COL7A1: variants seen among roughly 807,000 people sequenced by gnomAD.
The protein encoded by COL7A1 is collagen alpha-1(VII) chain.
COL7A1 carries 296 observed loss-of-function variants against 456.2 expected under a neutral mutation model. The ratio of observed to expected loss-of-function variants is 0.65; its 90% confidence interval spans 0.59 to 0.71. The LOEUF is 0.71. Among genes scored for constraint, COL7A1 ranks in the 30% least tolerant of loss-of-function variants. The pLI is 0.00. For synonymous variants in COL7A1, 1,464 were observed against 1,525.9 expected (o/e 0.96, Z 0.95); for missense variants, 3,441 against 4,017.2 (o/e 0.86, Z 3.88).
rs1357938616 is a variant in COL7A1, at chr3:48,586,592, G to A, written c.3374C>T (p.Pro1125Leu). 2.5e-6 allele frequency: 4 copies of A among 1,613,652 alleles called. No homozygotes were observed. Among genetic ancestry groups the A allele is most frequent in the Non-Finnish European group, 3.4e-6 (4 of 1,180,030 alleles). The change falls in exon 26 of 119, where the codon CCC becomes CTC. Residue 1125 changes from proline (P) to leucine (L), a missense_variant. Transcript: ENST00000681320. This position sits in a 1 kb window ranked among gnomAD's most constrained non-coding sequence, Gnocchi z 5.1. The part of the protein sequence containing the change: ...GIILQRIRDM[P>L]YMDPSGNNLG... ...GTTGTTCCCACTTGGGTCCATGTAGGGCATGTCACGGATCCTTTGCAAGAT... is the reference window on the plus strand; with the variant it reads ...GTTGTTCCCACTTGGGTCCATGTAGAGCATGTCACGGATCCTTTGCAAGAT...
At position 48,573,189 on chromosome 3, in the gene COL7A1, GC is replaced by G. The variant is rs1229323756; in HGVS notation, c.6698del (p.Gly2233AlafsTer155). On this transcript the variant is annotated frameshift_variant, in exon 85 of 119. Coordinates refer to ENST00000681320, the MANE Select transcript of COL7A1 (RefSeq NM_000094.4). LOFTEE classifies it high-confidence loss of function. The surrounding 1 kb of genome is among the most constrained non-coding windows in gnomAD (Gnocchi z 5.5). ...ACTCACTCACCACAAGGCCTGAAGGGCCGGGGGGTCCAGGAAGTCCCACAGC... is the reference window on the plus strand; with the variant it reads ...ACTCACTCACCACAAGGCCTGAAGGGCGGGGGGTCCAGGAAGTCCCACAGC... ...TGAVGLPGPP[G>X]PSGLVGPQGS... is the part of the protein sequence containing the mutation. 3 of 1,613,988 alleles carry G rather than the reference GC, an allele frequency of 1.9e-6. No individual in the cohort carries two copies. The South Asian group carries it at 3.3e-5, about 18-fold the overall frequency.
rs546980026 is a variant in COL7A1, at chr3:48,567,511, G to A, written c.8046+63C>T. On this transcript the variant is annotated intron_variant, in intron 109 of 118. Coordinates refer to ENST00000681320, the MANE Select transcript of COL7A1 (RefSeq NM_000094.4). This position sits in a 1 kb window ranked among gnomAD's most constrained non-coding sequence, Gnocchi z 4.3. ...CCTTGTCCCTACACCCCCATGACCC[G>A]ACCATGAGCTTCCCTGCCCCATCCT... is the stretch of plus-strand genomic sequence containing the variant. 19 of 1,606,646 alleles carry A rather than the reference G, an allele frequency of 1.2e-5. No homozygotes were observed. Among genetic ancestry groups the A allele is most frequent in the Admixed American group, 5.0e-5 (3 of 59,932 alleles).
At position 48,567,437 on chromosome 3, in the gene COL7A1, C is replaced by T. The variant is rs912282576; in HGVS notation, c.8046+137G>A. 14 of 1,294,234 alleles carry T rather than the reference C, an allele frequency of 1.1e-5. No individual in the cohort carries two copies. The highest frequency in any genetic ancestry group is 2.4e-5 in the South Asian group (2 of 83,128). 80.2% of individuals were successfully genotyped at this position (1,294,234 alleles called of 1,614,324 possible). On this transcript the variant is annotated intron_variant, in intron 109 of 118. Coordinates refer to ENST00000681320, the MANE Select transcript of COL7A1 (RefSeq NM_000094.4). This position sits in a 1 kb window ranked among gnomAD's most constrained non-coding sequence, Gnocchi z 4.3. ...GTGACCCCAACCCACCTTGACACCTCGAGACCAGCCCCACTTCAGCCCCCA... is the reference window on the plus strand; with the variant it reads ...GTGACCCCAACCCACCTTGACACCTTGAGACCAGCCCCACTTCAGCCCCCA...
At position 48,578,657 on chromosome 3, in the gene COL7A1, C is replaced by A; in HGVS notation, c.5425-142G>T. On this transcript the variant is annotated intron_variant, in intron 63 of 118. Transcript: ENST00000681320. This position sits in a 1 kb window ranked among gnomAD's most constrained non-coding sequence, Gnocchi z 4.7. Reference sequence around the variant, plus strand: ...AGAGGTCCCATTGAGATCCCTCAGGCACAGACCCCATGGATGGGGGCCCCT... The same window carrying A: ...AGAGGTCCCATTGAGATCCCTCAGGAACAGACCCCATGGATGGGGGCCCCT... 2 of 1,052,104 alleles carry A rather than the reference C, an allele frequency of 1.9e-6. No homozygotes were observed. The highest frequency in any genetic ancestry group is 1.4e-5 in the South Asian group (1 of 69,690). 65.2% of individuals were successfully genotyped at this position (1,052,104 alleles called of 1,614,324 possible).
Position 48,566,283 on chromosome 3 carries a change from C to G in COL7A1, c.8391G>C (p.Glu2797Asp). Residue 2797 changes from glutamate to aspartate, a missense_variant, in exon 114 of 119, where the codon GAG becomes GAC. Transcript: ENST00000681320. This position sits in a 1 kb window ranked among gnomAD's most constrained non-coding sequence, Gnocchi z 5.9. ...EDDIRGFVRQEMSQHCACQGQ... is the reference protein window; with the variant it reads ...EDDIRGFVRQDMSQHCACQGQ... ...ACCACTCACCACAGTGCTGACTCATCTCTTGGCGCACAAAGCCCCGGATGT... is the reference window on the plus strand; with the variant it reads ...ACCACTCACCACAGTGCTGACTCATGTCTTGGCGCACAAAGCCCCGGATGT... 3 of 1,602,956 alleles carry G rather than the reference C, an allele frequency of 1.9e-6. No individual in the cohort carries two copies. Among genetic ancestry groups the G allele is most frequent in the Non-Finnish European group, 2.6e-6 (3 of 1,175,620 alleles).
Position 48,580,993 on chromosome 3 carries a change from A to C in COL7A1, c.4936-67T>G. 1.2e-6 allele frequency: 2 copies of C among 1,607,310 alleles called. No homozygotes were observed. The highest frequency in any genetic ancestry group is 1.7e-6 in the Non-Finnish European group (2 of 1,174,842). On this transcript the variant is annotated intron_variant, in intron 53 of 118. Transcript: ENST00000681320. This position sits in a 1 kb window ranked among gnomAD's most constrained non-coding sequence, Gnocchi z 4.5. ...GATCTAACTCACTCAGGGAGAGGGG[A>C]CAGAGAAGGGTCTGAGCAGCAGCTG...
At position 48,581,884 on chromosome 3, in the gene COL7A1, C is replaced by T; in HGVS notation, c.4668+27G>A. The T allele has an allele frequency of 6.2e-7, 1 of 1,614,128 alleles. No homozygotes were observed. Among genetic ancestry groups the T allele is most frequent in the Non-Finnish European group, 8.5e-7 (1 of 1,180,034 alleles). On this transcript the variant is annotated intron_variant, in intron 48 of 118. Coordinates refer to ENST00000681320, the MANE Select transcript of COL7A1 (RefSeq NM_000094.4). This position sits in a 1 kb window ranked among gnomAD's most constrained non-coding sequence, Gnocchi z 5.8. ...GACCTAGACCTCAACCCTGTAGAAA[C>T]CTCCCCTTGCCCCATACCAGGCTTA...
rs746200300 is a variant in COL7A1, at chr3:48,581,102, A to C, written c.4935+20T>G. On this transcript the variant is annotated intron_variant, in intron 53 of 118. Coordinates refer to ENST00000681320, the MANE Select transcript of COL7A1 (RefSeq NM_000094.4). This position sits in a 1 kb window ranked among gnomAD's most constrained non-coding sequence, Gnocchi z 5.8. Reference sequence around the variant, plus strand: ...GTTCAAGGGTAAAGGATCAGAAACCACAGTGGGAAGGAGTCTCACCGGAGG... The same window carrying C: ...GTTCAAGGGTAAAGGATCAGAAACCCCAGTGGGAAGGAGTCTCACCGGAGG... The C allele has an allele frequency of 1.3e-5, 21 of 1,613,836 alleles. No individual in the cohort carries two copies. In the South Asian group the frequency reaches 2.2e-4, roughly 17 times the overall value.
In COL7A1 at chr3:48,587,858, CG is replaced by C; in HGVS notation, c.2791del (p.Arg931AlafsTer2). The C allele has an allele frequency of 6.2e-7, 1 of 1,613,154 alleles. No individual in the cohort carries two copies. Among genetic ancestry groups the C allele is most frequent in the Non-Finnish European group, 8.5e-7 (1 of 1,179,844 alleles). ...LDGLEPATQY[R>X]VRLSVLGPAG... ...TGGCCCTAGGACACTCAGCCTCACG[CG>C]GTACTGTGTCGCTGGCTCCAGCCCG... On this transcript the variant is annotated frameshift_variant, in exon 22 of 119. Coordinates refer to ENST00000681320, the MANE Select transcript of COL7A1 (RefSeq NM_000094.4). LOFTEE classifies it high-confidence loss of function. This position sits in a 1 kb window ranked among gnomAD's most constrained non-coding sequence, Gnocchi z 6.1.
rs558659528 is a variant in COL7A1 at position 48,585,949 on chromosome 3, A to G, written c.3750T>C (p.Tyr1250=). The change falls in exon 29 of 119, where the codon TAT becomes TAC. Residue 1250 remains tyrosine (Y), a synonymous_variant. Transcript: ENST00000681320. The surrounding 1 kb of genome is among the most constrained non-coding windows in gnomAD (Gnocchi z 4.5). ...TQPRPEPCPV[Y]CPKGQKGEPG... ...GATGAGGGACTCTTACCTTTGGACA[A>G]TACACTGGGCAGGGCTCTGGCCGGG... 41 of 1,614,056 alleles carry G rather than the reference A, an allele frequency of 2.5e-5. No individual in the cohort carries two copies. The South Asian group carries it at 2.7e-4, about 11-fold the overall frequency.
In COL7A1 at chr3:48,573,407, C is replaced by A; in HGVS notation, c.6619-59G>T. The A allele has an allele frequency of 6.2e-7, 1 of 1,613,882 alleles. No homozygotes were observed. The highest frequency in any genetic ancestry group is 1.1e-5 in the South Asian group (1 of 91,072). ...CCACGTGGCCAGGGCTCCTGGAGCT[C>A]ATCCTCATTGCAGGAGATGACAGCC... On this transcript the variant is annotated intron_variant, in intron 83 of 118. Transcript: ENST00000681320. This position sits in a 1 kb window ranked among gnomAD's most constrained non-coding sequence, Gnocchi z 5.5.
chr3:48,587,295 A>T lies in COL7A1; in HGVS notation c.3034T>A (p.Ser1012Thr). The part of the protein sequence containing the change: ...SPQTLPGISS[S>T]QRVTGLEPGV... ...GGCTCTAGCCCTGTCACCCGCTGGG[A>T]GCTTGAGATCCCTGGAAGTGTCTGC... Residue 1012 changes from serine to threonine, a missense_variant, in exon 24 of 119, where the codon TCC becomes ACC. Coordinates refer to ENST00000681320, the MANE Select transcript of COL7A1 (RefSeq NM_000094.4). The surrounding 1 kb of genome is among the most constrained non-coding windows in gnomAD (Gnocchi z 6.1). 1.9e-6 allele frequency: 3 copies of T among 1,606,070 alleles called. No individual in the cohort carries two copies. The highest frequency in any genetic ancestry group is 1.7e-6 in the Non-Finnish European group (2 of 1,176,170).
rs1206807294 is a variant in COL7A1 at position 48,583,989 on chromosome 3, G to T, written c.4225-36C>A. On this transcript the variant is annotated intron_variant, in intron 38 of 118. Coordinates refer to ENST00000681320, the MANE Select transcript of COL7A1 (RefSeq NM_000094.4). This position sits in a 1 kb window ranked among gnomAD's most constrained non-coding sequence, Gnocchi z 5.1. ...ACAGCAGGTCAGGGAATGAACAGGG[G>T]AATCAGACTCCAAGCCACCCCTAGC... 4 of 1,613,948 alleles carry T rather than the reference G, an allele frequency of 2.5e-6. No individual in the cohort carries two copies. The highest frequency in any genetic ancestry group is 2.5e-6 in the Non-Finnish European group (3 of 1,179,988).
At position 48,588,065 on chromosome 3, in the gene COL7A1, C is replaced by T; in HGVS notation, c.2711-126G>A. On this transcript the variant is annotated intron_variant, in intron 21 of 118. Transcript: ENST00000681320. This position sits in a 1 kb window ranked among gnomAD's most constrained non-coding sequence, Gnocchi z 4.6. Reference sequence around the variant, plus strand: ...ACCCTCCTGACTGATCTTCCTCATCCTCACTGACCCTGCCCACTTTACGGA... The same window carrying T: ...ACCCTCCTGACTGATCTTCCTCATCTTCACTGACCCTGCCCACTTTACGGA... 1 of 1,343,776 alleles carries T rather than the reference C, an allele frequency of 7.4e-7. No individual in the cohort carries two copies. Among genetic ancestry groups the T allele is most frequent in the Non-Finnish European group, 1.0e-6 (1 of 980,416 alleles). 83.2% of individuals were successfully genotyped at this position (1,343,776 alleles called of 1,614,324 possible). A position where few individuals can be genotyped will look rare whatever the true frequency, so the allele number is the denominator to read the frequency against.
chr3:48,579,020 T>G lies in COL7A1; in HGVS notation c.5389-66A>C. ...TCAGGGGCTCTAGTCCCTGTGAGCC[T>G]AAGGCCTGCATGGCAAGAACATGCC... On this transcript the variant is annotated intron_variant, in intron 62 of 118. Transcript: ENST00000681320. This position sits in a 1 kb window ranked among gnomAD's most constrained non-coding sequence, Gnocchi z 4.4. The G allele has an allele frequency of 1.2e-6, 2 of 1,603,846 alleles. No individual in the cohort carries two copies. The highest frequency in any genetic ancestry group is 1.7e-6 in the Non-Finnish European group (2 of 1,171,300).
rs775869590 is a variant in COL7A1 at position 48,594,539 on chromosome 3, G to C, written c.95C>G (p.Thr32Arg). 3.2e-5 allele frequency: 51 copies of C among 1,599,486 alleles called. No homozygotes were observed. Among genetic ancestry groups the C allele is most frequent in the Non-Finnish European group, 4.0e-5 (47 of 1,174,854 alleles). The change falls in exon 3 of 119, where the codon ACG (threonine) becomes AGG (arginine). Residue 32 changes from threonine (T) to arginine (R), a missense_variant. By Grantham distance (71) the Thr-to-Arg change is moderately conservative (BLOSUM62 -1). Around this residue, in one of 3 missense-constraint regions of COL7A1, gnomAD observed 913 missense variants for 1,088.2 expected, o/e 0.84. Coordinates refer to ENST00000681320, the MANE Select transcript of COL7A1 (RefSeq NM_000094.4). This position sits in a 1 kb window ranked among gnomAD's most constrained non-coding sequence, Gnocchi z 5.5. ...RAQHRERVTC[T>R]RLYAADIVFL... Reference sequence around the variant, plus strand: ...CACAATGTCAGCGGCGTAAAGGCGCGTGCAGGTCACTGGGGCGGGCAGGAG... The same window carrying C: ...CACAATGTCAGCGGCGTAAAGGCGCCTGCAGGTCACTGGGGCGGGCAGGAG...
rs763966860 is a variant in COL7A1 at position 48,593,107 on chromosome 3, C to A, written c.677G>T (p.Arg226Leu). 1.2e-6 allele frequency: 2 copies of A among 1,613,888 alleles called. No homozygotes were observed. Among genetic ancestry groups the A allele is most frequent in the African/African-American group, 1.3e-5 (1 of 74,844 alleles). ...CCGTGTGGGCAGGAACTCACGAGGT[C>A]GGGTCACAGGCACGCCACCAGCAGT... ...CTTAGGVPVT[R>L]PPDDSTSAPR... The change falls in exon 6 of 119, where the codon CGA becomes CTA. Residue 226 changes from arginine to leucine, a missense_variant. Coordinates refer to ENST00000681320, the MANE Select transcript of COL7A1 (RefSeq NM_000094.4). The surrounding 1 kb of genome is among the most constrained non-coding windows in gnomAD (Gnocchi z 4.4).
At position 48,583,576 on chromosome 3, in the gene COL7A1, G is replaced by A; in HGVS notation, c.4381C>T (p.Pro1461Ser). Residue 1461 changes from proline (P) to serine (S), a missense_variant, in exon 41 of 119, where the codon CCT (proline) becomes TCT (serine). By Grantham distance (74) the Pro-to-Ser change is moderately conservative. Around this residue, in one of 3 missense-constraint regions of COL7A1, gnomAD observed 2,084 missense variants for 2,501.3 expected, o/e 0.83. Coordinates refer to ENST00000681320, the MANE Select transcript of COL7A1 (RefSeq NM_000094.4). This position sits in a 1 kb window ranked among gnomAD's most constrained non-coding sequence, Gnocchi z 5.1. ...EDGAPGLPGQ[P>S]GSPGEQGPRG... is the part of the protein sequence containing the mutation. ...CTCACCTGCTCACCCGGAGACCCAG[G>A]TTGTCCTGGGAGGCCTGGAGCTCCA... 1 of 1,614,052 alleles carries A rather than the reference G, an allele frequency of 6.2e-7. No homozygotes were observed. The highest frequency in any genetic ancestry group is 8.5e-7 in the Non-Finnish European group (1 of 1,180,014).
Position 48,567,660 on chromosome 3 carries a change from T to C in COL7A1, c.7984-24A>G. The C allele has an allele frequency of 6.2e-7, 1 of 1,613,988 alleles. No individual in the cohort carries two copies. Reference sequence around the variant, plus strand: ...CCCTGGAGAAAAAAAGACATGAACTTGGCCCCCGTCCACCCGTGGCCCCCT... The same window carrying C: ...CCCTGGAGAAAAAAAGACATGAACTCGGCCCCCGTCCACCCGTGGCCCCCT... On this transcript the variant is annotated intron_variant, in intron 108 of 118. Transcript: ENST00000681320. This position sits in a 1 kb window ranked among gnomAD's most constrained non-coding sequence, Gnocchi z 4.3.
Sources: gnomAD v4.1 joint callset for allele counts on GRCh38, gnomAD v4.1.1 for gene constraint, gnomAD v4.1.1 regional missense constraint, Gnocchi (gnomAD v3.1) non-coding constraint, MANE v1.5 for transcripts, NCBI Gene and HGNC (gene_info 2026-07-23, HGNC 2026-07-21) for gene names.